SNX13: variants seen among roughly 807,000 people sequenced by gnomAD.
SNX13 encodes the protein sorting nexin 13.
In SNX13, 45 loss-of-function variants were observed where a neutral mutation model predicts 133.6. The observed-to-expected ratio is 0.34, with a 90% CI of 0.27 to 0.43. The LOEUF (loss-of-function observed/expected upper bound fraction) is 0.43, where lower values mean the gene tolerates loss of function less well. Ranked by LOEUF, SNX13 falls within the 20% of genes least tolerant of loss-of-function variation. SNX13 has a pLI of 1.00. For synonymous variants in SNX13, 414 were observed against 373.9 expected (o/e 1.11, Z -1.24); for missense variants, 1,032 against 1,145.1 (o/e 0.90, Z 1.43).
chr7:17,931,721 A>G (rs1203571765), intron 1 of SNX13, among the ~76,000 whole-genome samples: 1 of 152,252 alleles, frequency 6.6e-6, no homozygotes, highest in Non-Finnish European at 1.5e-5. Context: ...AGGAAATCAG[A>G]GAAAACAGTG....
Position 17,801,009 on chromosome 7 carries a change from C to CATATAT in SNX13, c.2298+573_2298+578dup, listed in dbSNP as rs71010273. Among the ~76,000 whole-genome samples, 373 of 119,884 alleles carry CATATAT rather than the reference C, an allele frequency of 3.1e-3. 5 individuals are homozygous for CATATAT. Among genetic ancestry groups the CATATAT allele is most frequent in the Non-Finnish European group, 5.4e-3 (289 of 53,326 alleles). 78.6% of individuals were successfully genotyped at this position (119,884 alleles called of 152,430 possible). On this transcript the variant is annotated intron_variant, in intron 22 of 25. Transcript: ENST00000428135. Reference sequence around the variant, plus strand: ...CTTGGCAGTATCTACTAAAACTGAACATATATATATATATATATATATATA... The same window carrying CATATAT: ...CTTGGCAGTATCTACTAAAACTGAACATATATATATATATATATATATATATATATA...
chr7:17,873,216 T>C (rs1299888257), intron 8 of SNX13, among the ~76,000 whole-genome samples: 1 of 152,206 alleles, frequency 6.6e-6, no homozygotes, highest in Non-Finnish European at 1.5e-5. Context: ...ACCATTTTCA[T>C]AATAATGCTA....
At chr7:17,891,514 A>G (rs762563996) in intron 4 of SNX13, 32 bp downstream of exon 4, 3 of 1,507,650 alleles carry the variant, frequency 2.0e-6, no homozygotes, top group Admixed American at 1.7e-5. Context: ...AACACAATAT[A>G]TAGAATTCAA....
At chr7:17,806,553 G>A (rs1332743552) in intron 20 of SNX13, among the ~76,000 whole-genome samples, 1 of 152,108 alleles carries the variant, frequency 6.6e-6, no homozygotes, top group Non-Finnish European at 1.5e-5. Context: ...ACATGACCTT[G>A]GTTATCACCA....
At chr7:17,805,260 CGCGCGCATGCATGCACAT>C (rs1327641001) in intron 20 of SNX13, among the ~76,000 whole-genome samples, 1 of 100,430 alleles carries the variant, frequency 1.0e-5, no homozygotes, top group Non-Finnish European at 2.0e-5. Context: ...TGCGTGCGCG[CGCGCGCATGCATGCACAT>C]GTGTAATTCT....
At chr7:17,852,279 G>A (rs757303823) in intron 9 of SNX13, among the ~76,000 whole-genome samples, 15 of 152,132 alleles carry the variant, frequency 9.9e-5, no homozygotes, top group East Asian at 1.9e-4. Context: ...AAGGTAAGGC[G>A]AGATAATCGC....
rs558574841 is a variant in SNX13 at position 17,848,776 on chromosome 7, G to A, written c.1065+1571C>T. ...CAAGTTCCCACTGGCTTGCTCACGC[G>A]CTCCCCACCACAAAGAGTTGAGAAC... On this transcript the variant is annotated intron_variant, in intron 11 of 25. Coordinates refer to ENST00000428135, the MANE Select transcript of SNX13 (RefSeq NM_015132.5). Among the ~76,000 whole-genome samples the A allele has an allele frequency of 2.8e-4, 43 of 152,294 alleles. No homozygotes were observed. In the South Asian group the frequency reaches 3.3e-3, roughly 12 times the overall value.
Position 17,902,514 on chromosome 7 carries a change from T to A in SNX13, c.13-5068A>T, listed in dbSNP as rs180815980. ...CTGGCTGACATTATAATCTTATTAGTGAGATAAATTAGGAAAAACATTTGA... is the reference window on the plus strand; with the variant it reads ...CTGGCTGACATTATAATCTTATTAGAGAGATAAATTAGGAAAAACATTTGA... On this transcript the variant is annotated intron_variant, in intron 1 of 25. Transcript: ENST00000428135. 6.6e-5 allele frequency among the ~76,000 whole-genome samples: 10 copies of A among 152,268 alleles called. No homozygotes were observed. The East Asian group carries it at 1.9e-3, about 29-fold the overall frequency.
Position 17,803,516 on chromosome 7 carries a change from A to G in SNX13, c.2129T>C (p.Leu710Pro). 6.2e-7 allele frequency: 1 copy of G among 1,612,512 alleles called. No homozygotes were observed. Among genetic ancestry groups the G allele is most frequent in the Non-Finnish European group, 8.5e-7 (1 of 1,179,274 alleles). Reference protein sequence around the residue: ...MRNVSNAVKSLPDSLAEGMTK... With the variant: ...MRNVSNAVKSPPDSLAEGMTK... ...CATTCCCTCTGCCAAGCTATCAGGA[A>G]GGGATTTAACTGCATTTGAAACATT... The change falls in exon 21 of 26, where the codon CTT (leucine) becomes CCT (proline). Residue 710 changes from leucine to proline, a missense_variant. Coordinates refer to ENST00000428135, the MANE Select transcript of SNX13 (RefSeq NM_015132.5).
chr7:17,920,558 G>A (rs1209603712), intron 1 of SNX13, among the ~76,000 whole-genome samples: 2 of 152,082 alleles, frequency 1.3e-5, no homozygotes, highest in African/African-American at 4.8e-5. Flanking sequence ...GTTTAACAGT[G>A]AAAAAATACA....
chr7:17,930,728 G>A (rs1441501375), intron 1 of SNX13, among the ~76,000 whole-genome samples: 1 of 152,150 alleles, frequency 6.6e-6, no homozygotes, highest in African/African-American at 2.4e-5. Flanking sequence ...GAGCATTACA[G>A]GTCCATGGCC....
intron 9 of SNX13, among the ~76,000 whole-genome samples, chr7:17,859,440 A>C (rs1297631335): frequency 6.6e-6 from 1 of 152,176 alleles, no homozygotes; most frequent in African/African-American, 2.4e-5. Flanking sequence ...GAATGTGGAA[A>C]GACCAGAACT....
At chr7:17,849,999 C>T (rs534583044) in intron 11 of SNX13, among the ~76,000 whole-genome samples, 17 of 152,180 alleles carry the variant, frequency 1.1e-4, no homozygotes, top group South Asian at 4.1e-4. Context: ...GTAAACTCCA[C>T]GAAAAGAGTC....
intron 5 of SNX13, among the ~76,000 whole-genome samples, chr7:17,883,877 T>G (rs982252812): frequency 6.6e-6 from 1 of 152,236 alleles, no homozygotes; most frequent in African/African-American, 2.4e-5. Flanking sequence ...GCTTCATCCA[T>G]GTCCCTGCAA....
intron 5 of SNX13, among the ~76,000 whole-genome samples, chr7:17,886,195 C>T (rs1040283568): frequency 1.3e-5 from 2 of 152,048 alleles, no homozygotes; most frequent in African/African-American, 2.4e-5. Context: ...TCACAGCCAG[C>T]GAATCCTGAA....
chr7:17,931,312 C>T (rs1174640831), intron 1 of SNX13, among the ~76,000 whole-genome samples: 1 of 151,992 alleles, frequency 6.6e-6, no homozygotes, highest in African/African-American at 2.4e-5. Context: ...TGGAGAAACA[C>T]TGGATAACAC....
Position 17,834,143 on chromosome 7 carries a change from G to A in SNX13, c.1506C>T (p.Ser502=), listed in dbSNP as rs1788850432. 2 of 1,595,008 alleles carry A rather than the reference G, an allele frequency of 1.3e-6. No individual in the cohort carries two copies. Residue 502 remains serine, a synonymous_variant, in exon 15 of 26, where the codon TCC becomes TCT. Transcript: ENST00000428135. ...GCACATAAAGTGCATTCTGTCTGAA[G>A]GAAGGATAAAATCTTTCATCTCGTA... ...LMLRDERFYP[S]FRQNALYVRM...
intron 1 of SNX13, among the ~76,000 whole-genome samples, chr7:17,934,445 T>C (rs139595335): frequency 6.6e-6 from 1 of 152,308 alleles, no homozygotes; most frequent in Non-Finnish European, 1.5e-5. Context: ...TGGATGTGTC[T>C]GTGAGGATGT....
chr7:17,885,674 A>C (rs1249934381), intron 5 of SNX13, among the ~76,000 whole-genome samples: 1 of 152,142 alleles, frequency 6.6e-6, no homozygotes, highest in Admixed American at 6.5e-5. Context: ...CTAGAATACA[A>C]AAAATTAGCC....
Sources: gnomAD v4.1 joint callset for allele counts (sites outside exome capture counted in the v4.1 genomes callset) on GRCh38, gnomAD v4.1.1 for gene constraint, MANE v1.5 for transcripts, NCBI Gene and HGNC (gene_info 2026-07-23, HGNC 2026-07-21) for gene names.